The following TJP1 variants were observed in gnomAD, a reference collection of about 807,000 sequenced individuals.
The protein encoded by TJP1 is tight junction protein ZO-1.
Under a neutral mutation model 194.2 loss-of-function variants are expected in TJP1, and 43 were observed. That is an observed-to-expected ratio of 0.22 (90% confidence interval 0.17 to 0.29). TJP1 has a LOEUF of 0.29. Among genes scored for constraint, TJP1 ranks in the 10% least tolerant of loss-of-function variants. TJP1 has a pLI of 1.00. For synonymous variants in TJP1, 801 were observed against 779.0 expected, an observed-to-expected ratio of 1.03 and a Z score of -0.47; for missense variants, 1,971 against 2,185.7, an observed-to-expected ratio of 0.90 and a Z score of 1.96.
intron 2 of TJP1, among the ~76,000 whole-genome samples, chr15:29,860,195 A>G (rs1340923247): frequency 2.0e-5 from 3 of 152,064 alleles, no homozygotes; most frequent in Admixed American, 2.0e-4. Context: ...CCACATCCCA[A>G]ACTCTGACTC....
intron 4 of TJP1, among the ~76,000 whole-genome samples, chr15:29,770,145 G>C (rs2151614617): frequency 6.6e-6 from 1 of 152,202 alleles, no homozygotes; most frequent in Non-Finnish European, 1.5e-5. Flanking sequence ...AGTTTAAAAA[G>C]TGAAAAATAA....
chr15:29,743,373 A>G lies in TJP1; in HGVS notation c.1011-592T>C, dbSNP rs541684908. Among the ~76,000 whole-genome samples, 13 of 152,344 alleles carry G rather than the reference A, an allele frequency of 8.5e-5. No homozygotes were observed. In the South Asian group the frequency reaches 2.5e-3, roughly 29 times the overall value. Reference sequence around the variant, plus strand: ...GATGTTAACTATTTCATACAGTTTAACTAAATACAAATGTTGACTATGTAC... The same window carrying G: ...GATGTTAACTATTTCATACAGTTTAGCTAAATACAAATGTTGACTATGTAC... On this transcript the variant is annotated intron_variant, in intron 8 of 27. Coordinates refer to ENST00000614355, the MANE Select transcript of TJP1 (RefSeq NM_001330239.4).
At chr15:29,772,553 T>C (rs560310646) in intron 3 of TJP1, among the ~76,000 whole-genome samples, 15 of 152,312 alleles carry the variant, frequency 9.8e-5, no homozygotes, top group South Asian at 4.1e-4. Flanking sequence ...CTTCTAATTA[T>C]AGTGCCACTA....
chr15:29,822,591 GC>G, upstream of TJP1: 1 of 636,762 alleles, frequency 1.6e-6, no homozygotes, highest in Non-Finnish European at 2.0e-6. Context: ...GGGACGAGCG[GC>G]CGGGGTCCCG....
chr15:29,959,346 C>A (rs2056072568), intron 1 of TJP1, among the ~76,000 whole-genome samples: 1 of 151,958 alleles, frequency 6.6e-6, no homozygotes, highest in African/African-American at 2.4e-5. Context: ...CCAAAAATAA[C>A]CTTTTTTTCT....
At chr15:29,765,303 G>C (rs946980908) in intron 5 of TJP1, among the ~76,000 whole-genome samples, 1 of 152,106 alleles carries the variant, frequency 6.6e-6, no homozygotes, top group Non-Finnish European at 1.5e-5. Context: ...TCACTGAATG[G>C]GGGTATGGAA....
chr15:29,906,593 T>C (rs1343745674), intron 2 of TJP1, among the ~76,000 whole-genome samples: 2 of 152,030 alleles, frequency 1.3e-5, no homozygotes, highest in Non-Finnish European at 2.9e-5. Flanking sequence ...TTTGTTTTTG[T>C]TTTTGAGACA....
intron 2 of TJP1, among the ~76,000 whole-genome samples, chr15:29,942,600 T>G (rs1008189573): frequency 6.6e-6 from 1 of 152,234 alleles, no homozygotes; most frequent in Non-Finnish European, 1.5e-5. Context: ...TTCCTTTTTC[T>G]GCAAAAGAGC....
At chr15:29,723,741 T>C (rs533302432) in intron 18 of TJP1, among the ~76,000 whole-genome samples, 1 of 152,358 alleles carries the variant, frequency 6.6e-6, no homozygotes, top group East Asian at 1.9e-4. Context: ...GCTTTTCTTT[T>C]GTTAAGTAAT....
At chr15:29,714,993 T>C (rs189796658) in intron 23 of TJP1, among the ~76,000 whole-genome samples, 8 of 152,380 alleles carry the variant, frequency 5.3e-5, no homozygotes, top group African/African-American at 1.9e-4. Context: ...TACACCCTTC[T>C]GCCTTACCAA....
chr15:29,851,700 A>T (rs1026971961), intron 2 of TJP1, among the ~76,000 whole-genome samples: 2 of 152,258 alleles, frequency 1.3e-5, no homozygotes, highest in African/African-American at 4.8e-5. Context: ...TTCAGGACTT[A>T]TTATATAGCT....
At chr15:29,743,020 A>C (rs1156784157) in intron 8 of TJP1, 4 of 307,634 alleles carry the variant, frequency 1.3e-5, no homozygotes, top group African/African-American at 8.6e-5. Context: ...AAAATTTATC[A>C]TGAAAGTAGC....
chr15:29,761,743 C>A lies in TJP1; in HGVS notation c.720G>T (p.Met240Ile). The change falls in exon 7 of 28, where the codon ATG (methionine) becomes ATT (isoleucine). Residue 240 changes from methionine (M) to isoleucine (I), a missense_variant. Met to Ile is a conservative substitution (Grantham distance 10). Coordinates refer to ENST00000614355, the MANE Select transcript of TJP1 (RefSeq NM_001330239.4). ...TCAATGTCTTTGCATCTGTCAATGA[C>A]ATATTTTCTGTCACAGTACCATTTA... ...LKINGTVTEN[M>I]SLTDAKTLIE... The A allele has an allele frequency of 6.3e-7, 1 of 1,577,098 alleles. No homozygotes were observed. Among genetic ancestry groups the A allele is most frequent in the Non-Finnish European group, 8.7e-7 (1 of 1,152,976 alleles).
At chr15:29,942,424 G>A (rs1181172735) in intron 2 of TJP1, among the ~76,000 whole-genome samples, 1 of 152,178 alleles carries the variant, frequency 6.6e-6, no homozygotes, top group African/African-American at 2.4e-5. Flanking sequence ...TAAAACAAGA[G>A]TTCTTGCAAG....
At chr15:29,819,447 G>A (rs988367877) in intron 1 of TJP1, among the ~76,000 whole-genome samples, 34 of 152,236 alleles carry the variant, frequency 2.2e-4, no homozygotes, top group African/African-American at 7.7e-4. Flanking sequence ...AATAAATTGA[G>A]CACTTAGAAC....
At chr15:29,780,040 C>T (rs963765934) in intron 2 of TJP1, among the ~76,000 whole-genome samples, 9 of 151,204 alleles carry the variant, frequency 6.0e-5, no homozygotes, top group Non-Finnish European at 7.4e-5. Context: ...TGAGAAAAAA[C>T]GATCAGAATC....
At chr15:29,928,998 G>C (rs1015885586) in intron 2 of TJP1, among the ~76,000 whole-genome samples, 3 of 152,202 alleles carry the variant, frequency 2.0e-5, no homozygotes, top group Admixed American at 1.3e-4. Flanking sequence ...AATTGATCAA[G>C]TAGAGAGAAG....
chr15:29,905,467 CCAAA>C (rs913010471), intron 2 of TJP1, among the ~76,000 whole-genome samples: 1 of 152,146 alleles, frequency 6.6e-6, no homozygotes, highest in African/African-American at 2.4e-5. Flanking sequence ...TCTTACAAAA[CCAAA>C]CAATCTTACC....
intron 23 of TJP1, among the ~76,000 whole-genome samples, chr15:29,714,240 A>T (rs2042410984): frequency 6.6e-6 from 1 of 151,964 alleles, no homozygotes; most frequent in African/African-American, 2.4e-5. Flanking sequence ...AGACCTAAAT[A>T]TACTCCTTTT....
Sources: allele counts gnomAD v4.1 joint callset (sites outside exome capture counted in the v4.1 genomes callset), GRCh38; gene constraint gnomAD v4.1.1; transcripts MANE v1.5; gene names NCBI Gene and HGNC (gene_info 2026-07-23, HGNC 2026-07-21).